CSMD1: variants seen among roughly 807,000 people sequenced by gnomAD.
CSMD1 encodes the protein CUB and sushi domain-containing protein 1.
Under a neutral mutation model 417.5 loss-of-function variants are expected in CSMD1, and 213 were observed. The ratio of observed to expected loss-of-function variants is 0.51; its 90% confidence interval spans 0.46 to 0.57. The LOEUF (loss-of-function observed/expected upper bound fraction) is 0.57, where lower values mean the gene tolerates loss of function less well. CSMD1 is among the 20% of genes least tolerant of loss of function. CSMD1 has a pLI of 0.00. For missense variants in CSMD1, 6,923 were observed against 4,529.7 expected (o/e 1.53, Z -15.17); for synonymous variants, 2,862 against 1,736.8 (o/e 1.65, Z -16.11).
intron 23 of CSMD1, among the ~76,000 whole-genome samples, chr8:3,309,408 A>C (rs1805152223): frequency 7.0e-6 from 1 of 142,916 alleles, no homozygotes; most frequent in Non-Finnish European, 1.5e-5. Flanking sequence ...AATCCACACA[A>C]CAACAGAAAC....
At chr8:3,220,410 G>A (rs571238746) in intron 28 of CSMD1, among the ~76,000 whole-genome samples, 32 of 152,280 alleles carry the variant, frequency 2.1e-4, no homozygotes, top group African/African-American at 7.7e-4. Flanking sequence ...GTTTGCCATT[G>A]GTGATGTGTA....
intron 5 of CSMD1, among the ~76,000 whole-genome samples, chr8:3,772,680 T>C (rs1584975370): frequency 6.9e-6 from 1 of 145,412 alleles, no homozygotes; most frequent in African/African-American, 2.5e-5. Flanking sequence ...TATACATATA[T>C]ACATATATAT....
chr8:3,739,423 G>A (rs1195238428), intron 6 of CSMD1, among the ~76,000 whole-genome samples: 1 of 152,148 alleles, frequency 6.6e-6, no homozygotes, highest in Non-Finnish European at 1.5e-5. Context: ...CCAACACAGA[G>A]AAATAATAAA....
intron 3 of CSMD1, among the ~76,000 whole-genome samples, chr8:4,143,064 A>G (rs1311395823): frequency 1.3e-5 from 2 of 151,070 alleles, no homozygotes; most frequent in Non-Finnish European, 2.9e-5. Flanking sequence ...AAATGAACAC[A>G]ATGAAGCAAG....
chr8:4,158,006 A>C, intron 3 of CSMD1, among the ~76,000 whole-genome samples: 1 of 151,938 alleles, frequency 6.6e-6, no homozygotes, highest in East Asian at 1.9e-4. Context: ...TTCCTGCTCA[A>C]CTGCCCCCAT....
chr8:3,485,538 C>CACACACACACACACAGAG (rs376214281), intron 11 of CSMD1, among the ~76,000 whole-genome samples: 2 of 134,922 alleles, frequency 1.5e-5, no homozygotes, highest in Non-Finnish European at 1.5e-5. Flanking sequence ...CACACACACA[C>CACACACACACACACAGAG]AGAGAGAGAG....
At chr8:3,274,880 C>A (rs1052438353) in intron 26 of CSMD1, among the ~76,000 whole-genome samples, 1 of 152,206 alleles carries the variant, frequency 6.6e-6, no homozygotes, top group East Asian at 1.9e-4. Flanking sequence ...GACTCTGTGT[C>A]CAGTTTGCCA....
intron 3 of CSMD1, among the ~76,000 whole-genome samples, chr8:4,414,984 C>G (rs561079543): frequency 7.9e-5 from 12 of 152,160 alleles, no homozygotes; most frequent in African/African-American, 2.7e-4. Context: ...ACTTAAAAGC[C>G]AAAATGTGAT....
At chr8:3,387,384 G>T in intron 18 of CSMD1, 110 bp downstream of exon 18, 1 of 832,446 alleles carries the variant, frequency 1.2e-6, no homozygotes, top group Non-Finnish European at 1.8e-6. Context: ...GGGAACTCAC[G>T]CCAGTCGTAA....
chr8:4,434,538 C>A lies in CSMD1; in HGVS notation c.303-14473G>T, dbSNP rs533308925. Among the ~76,000 whole-genome samples, 10 of 152,282 alleles carry A rather than the reference C, an allele frequency of 6.6e-5. No individual in the cohort carries two copies. In the East Asian group the frequency reaches 1.9e-3, roughly 29 times the overall value. On this transcript the variant is annotated intron_variant, in intron 2 of 69. Coordinates refer to ENST00000635120, the MANE Select transcript of CSMD1 (RefSeq NM_033225.6). ...AATTGTCTGATGAAGCACTTAAGAGCAGCCCAACATTGACTAAAACACAAT... is the reference window on the plus strand; with the variant it reads ...AATTGTCTGATGAAGCACTTAAGAGAAGCCCAACATTGACTAAAACACAAT...
At chr8:4,099,347 C>G (rs1371970854) in intron 3 of CSMD1, among the ~76,000 whole-genome samples, 1 of 152,080 alleles carries the variant, frequency 6.6e-6, no homozygotes, top group Non-Finnish European at 1.5e-5. Flanking sequence ...TTTTCAACAT[C>G]TGTTCAGTCA....
intron 1 of CSMD1, among the ~76,000 whole-genome samples, chr8:4,828,691 A>C (rs1260705217): frequency 6.6e-6 from 1 of 152,114 alleles, no homozygotes; most frequent in Non-Finnish European, 1.5e-5. Context: ...AGGTGTGTAA[A>C]AGTCAACCTG....
At chr8:3,391,056 TGTGA>T (rs1273710968) in intron 17 of CSMD1, among the ~76,000 whole-genome samples, 2 of 152,236 alleles carry the variant, frequency 1.3e-5, no homozygotes, top group East Asian at 3.9e-4. Context: ...TGCGTGTGCC[TGTGA>T]GTGTTAGCAT....
intron 6 of CSMD1, among the ~76,000 whole-genome samples, chr8:3,712,366 A>C (rs1801564753): frequency 1.4e-5 from 2 of 141,498 alleles, no homozygotes; most frequent in South Asian, 4.8e-4. Flanking sequence ...TTTCATTTGC[A>C]AAGAAACAGG....
chr8:2,974,705 C>A, intron 55 of CSMD1, 81 bp from the exon 56 acceptor site: 1 of 951,470 alleles, frequency 1.1e-6, no homozygotes, highest in Non-Finnish European at 1.5e-6. Context: ...TACAGACACC[C>A]ATACTGACAT....
intron 3 of CSMD1, among the ~76,000 whole-genome samples, chr8:4,383,259 G>A (rs1311476149): frequency 6.6e-6 from 1 of 152,182 alleles, no homozygotes; most frequent in Admixed American, 6.6e-5. Context: ...GCATTGTCTA[G>A]TACAGTTTGT....
At chr8:4,530,274 A>T (rs548934156) in intron 2 of CSMD1, among the ~76,000 whole-genome samples, 1 of 140,340 alleles carries the variant, frequency 7.1e-6, no homozygotes, top group Non-Finnish European at 1.5e-5. Flanking sequence ...TCCGGATTTA[A>T]ATAAGCAAAT....
At chr8:4,406,225 T>C (rs1401333620) in intron 3 of CSMD1, among the ~76,000 whole-genome samples, 1 of 151,958 alleles carries the variant, frequency 6.6e-6, no homozygotes, top group Non-Finnish European at 1.5e-5. Context: ...TGCTCCAAAG[T>C]CCCCCCAAAT....
intron 1 of CSMD1, among the ~76,000 whole-genome samples, chr8:4,905,084 C>T (rs186729074): frequency 3.3e-5 from 5 of 152,172 alleles, no homozygotes; most frequent in South Asian, 2.1e-4. Flanking sequence ...AGCATAGGAT[C>T]GTTCCCTGTG....
Sources: gnomAD v4.1 joint callset for allele counts (sites outside exome capture counted in the v4.1 genomes callset) on GRCh38, gnomAD v4.1.1 for gene constraint, MANE v1.5 for transcripts, NCBI Gene and HGNC (gene_info 2026-07-23, HGNC 2026-07-21) for gene names.